The following PALLD variants were observed in gnomAD, a reference collection of about 807,000 sequenced individuals.
PALLD encodes palladin, cytoskeletal associated protein.
In PALLD, 61 loss-of-function variants were observed where a neutral mutation model predicts 123.5. That is an observed-to-expected ratio of 0.49 (90% CI 0.40 to 0.61). PALLD has a LOEUF of 0.61. PALLD is among the 20% of genes least tolerant of loss of function. The pLI, the probability that PALLD is intolerant of heterozygous loss-of-function variation, is 0.00. For synonymous variants in PALLD, 465 were observed against 496.4 expected (o/e 0.94, Z 0.84); for missense variants, 1,273 against 1,377.0 (o/e 0.92, Z 1.20).
intron 2 of PALLD, among the ~76,000 whole-genome samples, chr4:168,603,164 G>A (rs1177278664): frequency 6.6e-6 from 1 of 152,120 alleles, no homozygotes; most frequent in Admixed American, 6.5e-5. Flanking sequence ...TCTAATTTAA[G>A]GACTGGCAAT....
At chr4:168,737,576 A>C (rs1211534688) in intron 10 of PALLD, among the ~76,000 whole-genome samples, 1 of 152,158 alleles carries the variant, frequency 6.6e-6, no homozygotes, top group African/African-American at 2.4e-5. Context: ...TTTGCAGTCA[A>C]ACAAAAGCAC....
At chr4:168,722,599 AAG>A (rs1344451784) in intron 10 of PALLD, among the ~76,000 whole-genome samples, 2 of 152,222 alleles carry the variant, frequency 1.3e-5, no homozygotes, top group African/African-American at 4.8e-5. Flanking sequence ...GTGGAGAACT[AAG>A]AGAGAGAAAG....
chr4:168,900,069 A>C (rs1404033171), intron 14 of PALLD, among the ~76,000 whole-genome samples: 1 of 152,222 alleles, frequency 6.6e-6, no homozygotes, highest in Non-Finnish European at 1.5e-5. Context: ...TCACACAGCA[A>C]GAGTAGGAGC....
intron 1 of PALLD, among the ~76,000 whole-genome samples, chr4:168,499,125 A>G (rs67028274): frequency 0.15 from 21,842 of 146,564 alleles, 1,741 homozygotes; most frequent in Non-Finnish European, 0.18. Flanking sequence ...TGCATCAAAC[A>G]TAAAATTTCA....
intron 10 of PALLD, among the ~76,000 whole-genome samples, chr4:168,814,145 T>C (rs933861301): frequency 6.6e-6 from 1 of 152,196 alleles, no homozygotes; most frequent in African/African-American, 2.4e-5. Flanking sequence ...AGTTTGAGAC[T>C]GATCCCAAGA....
chr4:168,541,052 A>G (rs1303363027), intron 2 of PALLD, among the ~76,000 whole-genome samples: 1 of 152,230 alleles, frequency 6.6e-6, no homozygotes, highest in African/African-American at 2.4e-5. Context: ...CTCCCTGCTA[A>G]TAAGTACACT....
At chr4:168,623,347 T>C (rs184768252) in intron 2 of PALLD, among the ~76,000 whole-genome samples, 3 of 152,324 alleles carry the variant, frequency 2.0e-5, no homozygotes, top group East Asian at 1.9e-4. Context: ...CAGGGATTCC[T>C]GAAATAATAC....
chr4:168,639,688 C>T (rs1167088699), intron 2 of PALLD, among the ~76,000 whole-genome samples: 1 of 151,856 alleles, frequency 6.6e-6, no homozygotes, highest in Non-Finnish European at 1.5e-5. Flanking sequence ...GGACTACAGG[C>T]ACCCACTACC....
intron 8 of PALLD, among the ~76,000 whole-genome samples, chr4:168,694,193 G>A (rs1033063242): frequency 1.1e-4 from 16 of 152,116 alleles, no homozygotes; most frequent in Non-Finnish European, 1.9e-4. Flanking sequence ...TGTAGGAACC[G>A]GCTTCCCTAA....
chr4:168,809,459 A>G (rs1740742530), intron 10 of PALLD, among the ~76,000 whole-genome samples: 1 of 152,042 alleles, frequency 6.6e-6, no homozygotes, highest in Non-Finnish European at 1.5e-5. Flanking sequence ...TTAGTTATCC[A>G]CCTAGAGAGA....
chr4:168,774,152 T>C (rs1223435275), intron 10 of PALLD, among the ~76,000 whole-genome samples: 1 of 151,932 alleles, frequency 6.6e-6, no homozygotes, highest in Non-Finnish European at 1.5e-5. Flanking sequence ...AAACAATTCA[T>C]TATATAATTT....
intron 8 of PALLD, among the ~76,000 whole-genome samples, chr4:168,704,451 C>T (rs527446385): frequency 1.3e-5 from 2 of 152,112 alleles, no homozygotes; most frequent in Non-Finnish European, 2.9e-5. Context: ...GCGGGTGGAT[C>T]ACGAGGTGAG....
chr4:168,555,995 G>A (rs1164746667), intron 2 of PALLD, among the ~76,000 whole-genome samples: 2 of 152,110 alleles, frequency 1.3e-5, no homozygotes, highest in East Asian at 1.9e-4. Flanking sequence ...GAACCACCCC[G>A]AAGTTCCGGG....
intron 2 of PALLD, among the ~76,000 whole-genome samples, chr4:168,638,437 G>A (rs937294592): frequency 1.3e-5 from 2 of 152,126 alleles, no homozygotes; most frequent in South Asian, 2.1e-4. Context: ...GCCTTCCAGG[G>A]GGTCTCCTCA....
chr4:168,709,487 G>A (rs1377597215), intron 9 of PALLD, among the ~76,000 whole-genome samples: 2 of 142,142 alleles, frequency 1.4e-5, no homozygotes, highest in African/African-American at 2.6e-5. Context: ...TCCAGCCTGG[G>A]TGACAGAGTC....
intron 6 of PALLD, among the ~76,000 whole-genome samples, chr4:168,687,352 A>G (rs1232288005): frequency 2.6e-5 from 4 of 152,244 alleles, no homozygotes; most frequent in African/African-American, 4.8e-5. Flanking sequence ...AACCATGTCA[A>G]TCTGATAACC....
Position 168,844,716 on chromosome 4 carries a change from C to T in PALLD, c.1965-46206C>T, listed in dbSNP as rs1746549927. 6.6e-6 allele frequency: 1 copy of T among 152,210 alleles called. No homozygotes were observed. Among genetic ancestry groups the T allele is most frequent in the Non-Finnish European group, 1.5e-5 (1 of 68,038 alleles). The allele number at this position is 152,210 out of a possible 1,614,324, so 9.4% of individuals were successfully genotyped here. A position where few individuals can be genotyped will look rare whatever the true frequency, so the allele number is the denominator to read the frequency against. The stretch of plus-strand genomic sequence containing the variant: ...TGCCAACTTCCTAATAAAGGGTGAA[C>T]TCCAAATATTAAAAAGTTATTAACG... On this transcript the variant is annotated intron_variant, in intron 10 of 21. Transcript: ENST00000505667. This position sits in a 1 kb window ranked among gnomAD's most constrained non-coding sequence, Gnocchi z 4.5.
intron 2 of PALLD, among the ~76,000 whole-genome samples, chr4:168,601,125 G>A (rs72697270): frequency 6.6e-6 from 1 of 151,932 alleles, no homozygotes; most frequent in Non-Finnish European, 1.5e-5. Flanking sequence ...ATCTTAGCTA[G>A]TTGTAACATA....
intron 2 of PALLD, among the ~76,000 whole-genome samples, chr4:168,582,767 A>G (rs1225912129): frequency 6.6e-6 from 1 of 152,154 alleles, no homozygotes; most frequent in African/African-American, 2.4e-5. Context: ...CATCACAGGG[A>G]GAAATCTCAC....
Sources: gnomAD v4.1 joint callset for allele counts (sites outside exome capture counted in the v4.1 genomes callset) on GRCh38, gnomAD v4.1.1 for gene constraint, Gnocchi (gnomAD v3.1) non-coding constraint, MANE v1.5 for transcripts, NCBI Gene and HGNC (gene_info 2026-07-23, HGNC 2026-07-21) for gene names.